The following KCNQ2 variants were observed in gnomAD, a reference collection of about 807,000 sequenced individuals.
KCNQ2 encodes potassium voltage-gated channel subfamily Q member 2.
A neutral mutation model predicts 84.8 loss-of-function variants in KCNQ2; 14 were observed. That is an observed-to-expected ratio of 0.17 (90% CI 0.11 to 0.26). The LOEUF (loss-of-function observed/expected upper bound fraction) is 0.26, where lower values mean the gene tolerates loss of function less well. Among genes scored for constraint, KCNQ2 ranks in the 10% least tolerant of loss-of-function variants. The pLI is 1.00. For synonymous variants in KCNQ2, 599 were observed against 554.1 expected (o/e 1.08, Z -1.14); for missense variants, 788 against 1,254.0 (o/e 0.63, Z 5.61).
chr20:63,405,185 C>T lies in KCNQ2; in HGVS notation c.*1459G>A, dbSNP rs1414317788. 6.6e-6 allele frequency: 1 copy of T among 152,300 alleles called. No individual in the cohort carries two copies. Among genetic ancestry groups the T allele is most frequent in the African/African-American group, 2.4e-5 (1 of 41,448 alleles). 9.4% of individuals were successfully genotyped at this position (152,300 alleles called of 1,614,324 possible). On this transcript the variant is annotated 3_prime_UTR_variant, in exon 17 of 17. Coordinates refer to ENST00000359125, the MANE Select transcript of KCNQ2 (RefSeq NM_172107.4). Reference sequence around the variant, plus strand: ...TGGAGGAGAAACGGGCCCAGGACTCCCCTGCACTTGCTCTGCAGGAGTATT... The same window carrying T: ...TGGAGGAGAAACGGGCCCAGGACTCTCCTGCACTTGCTCTGCAGGAGTATT...
In KCNQ2 at chr20:63,472,377, G is replaced by T. The variant is rs779146650; in HGVS notation, c.87C>A (p.Pro29=). 6.5e-7 allele frequency: 1 copy of T among 1,534,984 alleles called. No homozygotes were observed. Residue 29 remains proline (P), a synonymous_variant, in exon 1 of 17, where the codon CCC becomes CCA. Transcript: ENST00000359125. ...KLKVGFVGLD[P]GAPDSTRDGA... Reference sequence around the variant, plus strand: ...CGTCCCGGGTGGAGTCGGGCGCGCCGGGGTCCAGCCCCACGAAGCCCACCT... The same window carrying T: ...CGTCCCGGGTGGAGTCGGGCGCGCCTGGGTCCAGCCCCACGAAGCCCACCT...
At chr20:63,465,697 C>G (rs746249477) in intron 1 of KCNQ2, among the ~76,000 whole-genome samples, 27 of 152,204 alleles carry the variant, frequency 1.8e-4, no homozygotes, top group Non-Finnish European at 2.4e-4. Flanking sequence ...GAACAGGTGC[C>G]GCCCACCCTA....
intron 4 of KCNQ2, chr20:63,443,685 G>C (rs545569816): frequency 1.3e-5 from 2 of 152,446 alleles, no homozygotes; most frequent in East Asian, 1.9e-4. Flanking sequence ...TGTCTCCAGG[G>C]ATATAGGGGC....
At chr20:63,450,948 G>T (rs1389425072) in intron 1 of KCNQ2, among the ~76,000 whole-genome samples, 1 of 151,968 alleles carries the variant, frequency 6.6e-6, no homozygotes, top group Non-Finnish European at 1.5e-5. Flanking sequence ...AACCAGCCTG[G>T]CCAATATGGT....
chr20:63,440,458 C>A (rs1304258889), intron 5 of KCNQ2, among the ~76,000 whole-genome samples: 4 of 152,176 alleles, frequency 2.6e-5, no homozygotes, highest in African/African-American at 9.7e-5. Flanking sequence ...GGCCGCAGCC[C>A]ACCCCCGCCT....
In KCNQ2 at chr20:63,414,611, TGA is replaced by T. The variant is rs2080228398; in HGVS notation, c.1525+290_1525+291del. Among the ~76,000 whole-genome samples the T allele has an allele frequency of 6.6e-6, 1 of 151,278 alleles. No homozygotes were observed. The highest frequency in any genetic ancestry group is 2.1e-4 in the South Asian group (1 of 4,726). On this transcript the variant is annotated intron_variant, in intron 13 of 16. Transcript: ENST00000359125. This position sits in a 1 kb window ranked among gnomAD's most constrained non-coding sequence, Gnocchi z 6.6. The stretch of plus-strand genomic sequence containing the variant: ...GCTGGGGCTGAGGCGGGGAATGGGG[TGA>T]CTACTGATGGGGTCATGGTTTCCTT...
intron 1 of KCNQ2, among the ~76,000 whole-genome samples, chr20:63,449,710 C>T (rs545874786): frequency 6.6e-6 from 1 of 152,296 alleles, no homozygotes; most frequent in East Asian, 1.9e-4. Flanking sequence ...AAAGCCCCAG[C>T]GTCTGAGCTC....
intron 4 of KCNQ2, 132 bp from the exon 5 acceptor site, chr20:63,442,663 CA>C: frequency 3.6e-6 from 1 of 278,100 alleles, no homozygotes; most frequent in Non-Finnish European, 5.8e-6. Context: ...CCACCACCAT[CA>C]CCACCACCAC....
At chr20:63,412,633 G>A (rs554802313) in intron 15 of KCNQ2, among the ~76,000 whole-genome samples, 1 of 152,330 alleles carries the variant, frequency 6.6e-6, no homozygotes, top group East Asian at 1.9e-4. Context: ...ACTCCCACTG[G>A]AGGGCCCGGA....
Position 63,438,773 on chromosome 20 carries a change from C to T in KCNQ2, c.928-53G>A. The T allele has an allele frequency of 2.0e-6, 3 of 1,524,438 alleles. No homozygotes were observed. In the South Asian group the frequency reaches 3.4e-5, roughly 17 times the overall value. 94.4% of individuals were successfully genotyped at this position (1,524,438 alleles called of 1,614,324 possible). A position where few individuals can be genotyped will look rare whatever the true frequency, so the allele number is the denominator to read the frequency against. On this transcript the variant is annotated intron_variant, in intron 6 of 16. Coordinates refer to ENST00000359125, the MANE Select transcript of KCNQ2 (RefSeq NM_172107.4). This position sits in a 1 kb window ranked among gnomAD's most constrained non-coding sequence, Gnocchi z 5.1. ...CCCAGGGACCCCCCACACCCCAATT[C>T]ATCAGGGTCAGACCATGCTCTGGGG... is the stretch of plus-strand genomic sequence containing the variant.
chr20:63,406,948 G>T lies in KCNQ2; in HGVS notation c.2315C>A (p.Pro772Gln). 6.3e-7 allele frequency: 1 copy of T among 1,583,744 alleles called. No homozygotes were observed. Reference sequence around the variant, plus strand: ...GTTCCCCTCGGGGGGCCTGCAGCCCGGGGTGTCCTCCTGCCGCAGGAACTC... The same window carrying T: ...GTTCCCCTCGGGGGGCCTGCAGCCCTGGGTGTCCTCCTGCCGCAGGAACTC... ...SMEFLRQEDT[P>Q]GCRPPEGNLR... Residue 772 changes from proline (P) to glutamine (Q), a missense_variant, in exon 17 of 17, where the codon CCG (proline) becomes CAG (glutamine). Transcript: ENST00000359125.
chr20:63,444,620 C>CT, intron 4 of KCNQ2, 39 bp downstream of exon 4: 1 of 1,487,672 alleles, frequency 6.7e-7, no homozygotes, highest in Non-Finnish European at 9.0e-7. Flanking sequence ...CTCTCGCTGG[C>CT]TGGGGGCGCC....
chr20:63,469,104 C>T (rs983783552), intron 1 of KCNQ2, among the ~76,000 whole-genome samples: 2 of 152,210 alleles, frequency 1.3e-5, no homozygotes, highest in Non-Finnish European at 2.9e-5. Flanking sequence ...CGGCTCCAGT[C>T]CTATGCGCAG....
intron 1 of KCNQ2, among the ~76,000 whole-genome samples, chr20:63,467,202 G>A (rs139352628): frequency 2.0e-5 from 3 of 152,296 alleles, no homozygotes; most frequent in South Asian, 2.1e-4. Flanking sequence ...TCTGGGCAAG[G>A]CAGCTCGGCC....
At position 63,472,550 on chromosome 20, in the gene KCNQ2, C is replaced by A; in HGVS notation, c.-87G>T. On this transcript the variant is annotated 5_prime_UTR_variant, in exon 1 of 17. Transcript: ENST00000359125. ...CGGCGCGGGCCCCAGCCCAGGCCCC[C>A]CGGCCGGGAGCCGCATGGCCGAGGC... is the stretch of plus-strand genomic sequence containing the variant. The A allele has an allele frequency of 1.7e-6, 2 of 1,173,776 alleles. No individual in the cohort carries two copies. Among genetic ancestry groups the A allele is most frequent in the Non-Finnish European group, 1.1e-6 (1 of 938,500 alleles). 72.7% of individuals were successfully genotyped at this position (1,173,776 alleles called of 1,614,324 possible). A position where few individuals can be genotyped will look rare whatever the true frequency, so the allele number is the denominator to read the frequency against.
intron 15 of KCNQ2, among the ~76,000 whole-genome samples, chr20:63,409,293 G>A (rs1427289578): frequency 6.6e-6 from 1 of 152,232 alleles, no homozygotes; most frequent in Non-Finnish European, 1.5e-5. Flanking sequence ...GTTCATGTGT[G>A]CAAGAGTGTG....
At chr20:63,447,063 C>T (rs1474180403) in intron 1 of KCNQ2, among the ~76,000 whole-genome samples, 3 of 151,830 alleles carry the variant, frequency 2.0e-5, no homozygotes, top group Non-Finnish European at 4.4e-5. Context: ...ACAGTGGCAG[C>T]TGCCCCCTCT....
intron 10 of KCNQ2, 128 bp from the exon 11 acceptor site, chr20:63,424,334 G>A (rs1427790555): frequency 2.7e-6 from 3 of 1,125,626 alleles, no homozygotes; most frequent in South Asian, 1.4e-5. Context: ...AGAAAAGGCT[G>A]GGCAGGGGTG....
At chr20:63,467,325 A>G (rs990313235) in intron 1 of KCNQ2, among the ~76,000 whole-genome samples, 6 of 152,182 alleles carry the variant, frequency 3.9e-5, no homozygotes, top group Admixed American at 3.3e-4. Flanking sequence ...TCATCTCCCC[A>G]CACTGGAAGC....
Sources: gnomAD v4.1 joint callset for allele counts (sites outside exome capture counted in the v4.1 genomes callset) on GRCh38, gnomAD v4.1.1 for gene constraint, Gnocchi (gnomAD v3.1) non-coding constraint, MANE v1.5 for transcripts, NCBI Gene and HGNC (gene_info 2026-07-23, HGNC 2026-07-21) for gene names.